KIAA0586: variants seen among roughly 807,000 people sequenced by gnomAD.
KIAA0586 encodes protein TALPID3.
In KIAA0586, 144 loss-of-function variants were observed where a neutral mutation model predicts 169.8. The observed-to-expected ratio is 0.85, with a 90% confidence interval of 0.74 to 0.97. KIAA0586 has a LOEUF of 0.97. KIAA0586 is among the 50% of genes least tolerant of loss of function. The pLI is 0.00. For synonymous variants in KIAA0586, 625 were observed against 612.4 expected, an observed-to-expected ratio of 1.02 and a Z score of -0.30; for missense variants, 1,854 against 1,823.0, an observed-to-expected ratio of 1.02 and a Z score of -0.31.
In KIAA0586 at chr14:58,457,839, A is replaced by C. The variant is rs933977074; in HGVS notation, c.1443A>C (p.Arg481Ser). The C allele has an allele frequency of 4.4e-6, 7 of 1,608,150 alleles. No individual in the cohort carries two copies. Among genetic ancestry groups the C allele is most frequent in the Non-Finnish European group, 5.9e-6 (7 of 1,176,656 alleles). Residue 481 changes from arginine (R) to serine (S), a missense_variant, in exon 11 of 31, where the codon AGA becomes AGC. Physicochemically the swap from Arg to Ser is moderately radical, Grantham distance 110. Coordinates refer to ENST00000652326, the MANE Select transcript of KIAA0586 (RefSeq NM_001329943.3). ...AGCTTCAAACAACCAATACAACAAG[A>C]TCTGTATTGAAAGATGCTGAGAAGA... Reference protein sequence around the residue: ...SVKLQTTNTTRSVLKDAEKIL... With the variant: ...SVKLQTTNTTSSVLKDAEKIL...
intron 20 of KIAA0586, among the ~76,000 whole-genome samples, chr14:58,478,580 C>T (rs2041821672): frequency 6.6e-5 from 10 of 152,162 alleles, no homozygotes; most frequent in Admixed American, 6.5e-4. Flanking sequence ...GATCCTCCTC[C>T]CTCAGCCTCC....
intron 29 of KIAA0586, among the ~76,000 whole-genome samples, chr14:58,531,483 A>G (rs772282037): frequency 2.6e-5 from 4 of 152,210 alleles, no homozygotes; most frequent in Non-Finnish European, 4.4e-5. Context: ...CAAAACCACA[A>G]TGAGATACCA....
At chr14:58,472,974 G>C (rs1203509064) in intron 18 of KIAA0586, among the ~76,000 whole-genome samples, 2 of 144,020 alleles carry the variant, frequency 1.4e-5, no homozygotes, top group Admixed American at 7.4e-5. Context: ...TGCCACATGA[G>C]AATTTTGAAG....
chr14:58,499,992 ACT>A (rs1415694914), intron 27 of KIAA0586, among the ~76,000 whole-genome samples: 1 of 152,234 alleles, frequency 6.6e-6, no homozygotes, highest in Non-Finnish European at 1.5e-5. Flanking sequence ...TTTCAGTAGC[ACT>A]CTGCATTCAG....
At chr14:58,504,105 G>T (rs2043770257) in intron 27 of KIAA0586, among the ~76,000 whole-genome samples, 1 of 152,180 alleles carries the variant, frequency 6.6e-6, no homozygotes, top group African/African-American at 2.4e-5. Context: ...AATGAGTGAT[G>T]TGATCATATT....
intron 7 of KIAA0586, among the ~76,000 whole-genome samples, chr14:58,449,579 G>A (rs557226379): frequency 5.3e-5 from 8 of 152,196 alleles, no homozygotes; most frequent in Admixed American, 5.2e-4. Flanking sequence ...GAAGTAATAT[G>A]AGTCCATTTT....
chr14:58,476,906 A>G (rs2041678282), intron 19 of KIAA0586, among the ~76,000 whole-genome samples: 2 of 152,086 alleles, frequency 1.3e-5, no homozygotes, highest in South Asian at 2.1e-4. Flanking sequence ...CAATCTGCCC[A>G]ACGTGGCCTC....
intron 8 of KIAA0586, among the ~76,000 whole-genome samples, chr14:58,451,574 G>T (rs959812336): frequency 6.6e-6 from 1 of 152,096 alleles, no homozygotes; most frequent in African/African-American, 2.4e-5. Flanking sequence ...TGAAGGTAAG[G>T]CTGATCATTT....
chr14:58,532,502 GATGAAA>G (rs936933162), intron 29 of KIAA0586, among the ~76,000 whole-genome samples: 210 of 152,250 alleles, frequency 1.4e-3, no homozygotes, highest in African/African-American at 4.8e-3. Context: ...CAGTTCCACA[GATGAAA>G]ATGAAATGAA....
chr14:58,450,584 TTAAAAGAAGTTGAAGA>T lies in KIAA0586; in HGVS notation c.970_985del (p.Lys324ArgfsTer51). On this transcript the variant is annotated frameshift_variant, in exon 8 of 31. Coordinates refer to ENST00000652326, the MANE Select transcript of KIAA0586 (RefSeq NM_001329943.3). LOFTEE classifies it high-confidence loss of function. ...TAAAAAATTTTCTGTTAAAGCACCT[TTAAAAGAAGTTGAAGA>T]TACGAGTTTTGATAAACAGAAATCT... is the stretch of plus-strand genomic sequence containing the variant. 1 of 1,598,160 alleles carries T rather than the reference TTAAAAGAAGTTGAAGA, an allele frequency of 6.3e-7. No homozygotes were observed. The highest frequency in any genetic ancestry group is 1.1e-5 in the South Asian group (1 of 87,738).
chr14:58,520,445 C>T (rs1418561359), intron 29 of KIAA0586, among the ~76,000 whole-genome samples: 1 of 152,124 alleles, frequency 6.6e-6, no homozygotes, highest in Non-Finnish European at 1.5e-5. Flanking sequence ...TGGAATCATA[C>T]AAGATGTGGT....
chr14:58,516,409 A>T (rs2044757122), intron 29 of KIAA0586, among the ~76,000 whole-genome samples: 1 of 151,708 alleles, frequency 6.6e-6, no homozygotes, highest in Non-Finnish European at 1.5e-5. Flanking sequence ...AAGGGTAAAG[A>T]AAAAAAAAGA....
rs2042112382 is a variant in KIAA0586, at chr14:58,482,588, A to G, written c.3020A>G (p.His1007Arg). The G allele has an allele frequency of 1.2e-6, 2 of 1,605,236 alleles. No homozygotes were observed. Among genetic ancestry groups the G allele is most frequent in the East Asian group, 2.3e-5 (1 of 44,356 alleles). Residue 1007 changes from histidine to arginine, a missense_variant, in exon 21 of 31, where the codon CAT becomes CGT. By Grantham distance (29) the His-to-Arg change is conservative (BLOSUM62 0). Transcript: ENST00000652326. The part of the protein sequence containing the change: ...GVPVNSNVIK[H>R]FVNEALAETI... ...CCTGTGAACTCAAATGTGATTAAAC[A>G]TTTTGTTAACGAAGCTCTTGCTGAG...
At chr14:58,451,808 C>T (rs189072881) in intron 8 of KIAA0586, among the ~76,000 whole-genome samples, 4,007 of 151,854 alleles carry the variant, frequency 0.026, 247 homozygotes, top group Admixed American at 0.15. Flanking sequence ...GTCAGCCTCC[C>T]GAGTAGCTGG....
At chr14:58,538,368 AC>A (rs1237998334) in intron 29 of KIAA0586, among the ~76,000 whole-genome samples, 1 of 152,194 alleles carries the variant, frequency 6.6e-6, no homozygotes, top group African/African-American at 2.4e-5. Flanking sequence ...ATGCTTATAA[AC>A]TTGCTCATTT....
At chr14:58,517,803 G>A (rs1005771712) in intron 29 of KIAA0586, among the ~76,000 whole-genome samples, 1 of 152,260 alleles carries the variant, frequency 6.6e-6, no homozygotes, top group African/African-American at 2.4e-5. Context: ...ATGAACAGAC[G>A]TGAACTACTG....
chr14:58,445,902 C>T (rs1232675541), intron 6 of KIAA0586, among the ~76,000 whole-genome samples: 1 of 144,876 alleles, frequency 6.9e-6, no homozygotes, highest in Admixed American at 7.2e-5. Flanking sequence ...GAGTTTTGCT[C>T]TTATCGCCCA....
chr14:58,494,639 T>C (rs1437239701), intron 26 of KIAA0586, among the ~76,000 whole-genome samples: 1 of 152,142 alleles, frequency 6.6e-6, no homozygotes, highest in Non-Finnish European at 1.5e-5. Flanking sequence ...CCCTGCTGTT[T>C]GCTGTTACTC....
chr14:58,429,159 C>T (rs1164340968), intron 1 of KIAA0586, among the ~76,000 whole-genome samples: 2 of 152,090 alleles, frequency 1.3e-5, no homozygotes, highest in Admixed American at 6.5e-5. Context: ...TTGTCAGTAC[C>T]GAACCTTATT....
Sources: allele counts gnomAD v4.1 joint callset (sites outside exome capture counted in the v4.1 genomes callset), GRCh38; gene constraint gnomAD v4.1.1; transcripts MANE v1.5; gene names NCBI Gene and HGNC (gene_info 2026-07-23, HGNC 2026-07-21).